Variants in WDFY4 observed in about 807,000 individuals in gnomAD.
WDFY4 encodes the protein WD repeat- and FYVE domain-containing protein 4.
In WDFY4, 169 loss-of-function variants were observed where a neutral mutation model predicts 351.9. The ratio of observed to expected loss-of-function variants is 0.48; its 90% confidence interval spans 0.42 to 0.55. The LOEUF is 0.55. Ranked by LOEUF, WDFY4 falls within the 20% of genes least tolerant of loss-of-function variation. The pLI is 0.00. For synonymous variants in WDFY4, 1,622 were observed against 1,574.6 expected, an observed-to-expected ratio of 1.03 and a Z score of -0.71; for missense variants, 3,803 against 3,935.6, an observed-to-expected ratio of 0.97 and a Z score of 0.90.
rs1390559754 is a variant in WDFY4, at chr10:48,897,468, T to C, written c.7331T>C (p.Phe2444Ser). Residue 2444 changes from phenylalanine (F) to serine (S), a missense_variant, in exon 45 of 62, where the codon TTC becomes TCC. Phe to Ser is a radical substitution (Grantham distance 155, BLOSUM62 -2). This residue lies in a region of WDFY4 where 3,054 missense variants were observed against 3,148.6 expected (regional missense o/e 0.97). Transcript: ENST00000325239. ...RHCLSNISDP[F>S]IFNLCSKDRS... Reference sequence around the variant, plus strand: ...TTCCTTTTCAGCATCAGCGATCCGTTCATTTTCAACCTGTGCAGCAAAGAC... The same window carrying C: ...TTCCTTTTCAGCATCAGCGATCCGTCCATTTTCAACCTGTGCAGCAAAGAC... The C allele has an allele frequency of 6.4e-7, 1 of 1,551,616 alleles. No homozygotes were observed.
intron 36 of WDFY4, among the ~76,000 whole-genome samples, chr10:48,828,331 C>A (rs577461155): frequency 1.3e-5 from 2 of 152,178 alleles, no homozygotes; most frequent in East Asian, 3.9e-4. Context: ...ACAGCAGAGC[C>A]CCAAAAAAGG....
rs189762475 is a variant in WDFY4, at chr10:48,948,550, A to G, written c.7977+1581A>G. 3.9e-3 allele frequency among the ~76,000 whole-genome samples: 600 copies of G among 152,360 alleles called. 2 individuals carry two copies. Among genetic ancestry groups the G allele is most frequent in the African/African-American group, 0.014 (573 of 41,592 alleles). ...TACCTGTTGCTAAGGATCTTTTCAC[A>G]TCGGGAGGAGACAGAGTGAAATAGA... On this transcript the variant is annotated intron_variant, in intron 51 of 61. Coordinates refer to ENST00000325239, the MANE Select transcript of WDFY4 (RefSeq NM_001394531.1).
At chr10:48,813,723 C>A (rs762478095) in intron 30 of WDFY4, among the ~76,000 whole-genome samples, 4 of 152,226 alleles carry the variant, frequency 2.6e-5, no homozygotes, top group Non-Finnish European at 5.9e-5. Context: ...ACCAAAATAA[C>A]TGAACTACAT....
At chr10:48,889,328 G>T (rs1343349130) in intron 43 of WDFY4, among the ~76,000 whole-genome samples, 1 of 152,122 alleles carries the variant, frequency 6.6e-6, no homozygotes, top group Non-Finnish European at 1.5e-5. Flanking sequence ...CTTGGCTCTG[G>T]CTTTCACGGA....
intron 43 of WDFY4, among the ~76,000 whole-genome samples, chr10:48,881,321 A>T (rs1159746921): frequency 6.6e-6 from 1 of 152,212 alleles, no homozygotes; most frequent in Non-Finnish European, 1.5e-5. Flanking sequence ...GGCTCCTGTG[A>T]GGCAAGGAAC....
At chr10:48,859,498 C>T (rs1395603634) in intron 39 of WDFY4, among the ~76,000 whole-genome samples, 1 of 152,080 alleles carries the variant, frequency 6.6e-6, no homozygotes, top group Non-Finnish European at 1.5e-5. Context: ...CTTTAACCTG[C>T]TAAAATGGTG....
chr10:48,899,475 C>G (rs1272046562), intron 45 of WDFY4, among the ~76,000 whole-genome samples: 1 of 152,076 alleles, frequency 6.6e-6, no homozygotes, highest in Non-Finnish European at 1.5e-5. Flanking sequence ...GAGTCTGAAT[C>G]TTACCCCACC....
intron 45 of WDFY4, among the ~76,000 whole-genome samples, chr10:48,899,921 G>A (rs1837271118): frequency 1.3e-5 from 2 of 152,164 alleles, no homozygotes; most frequent in Admixed American, 1.3e-4. Context: ...GAAAAAGTCT[G>A]AGGATGGCAT....
intron 43 of WDFY4, among the ~76,000 whole-genome samples, chr10:48,886,157 T>C (rs1218644463): frequency 2.6e-5 from 4 of 152,234 alleles, no homozygotes; most frequent in Non-Finnish European, 5.9e-5. Flanking sequence ...GTCACCTCTC[T>C]GGACCTCAGT....
At chr10:48,848,133 C>T (rs1026404419) in intron 39 of WDFY4, among the ~76,000 whole-genome samples, 3 of 152,160 alleles carry the variant, frequency 2.0e-5, no homozygotes, top group Admixed American at 6.5e-5. Flanking sequence ...CCCTGAGCCC[C>T]GACCATAGCT....
chr10:48,802,971 G>A (rs905342032), intron 24 of WDFY4, among the ~76,000 whole-genome samples: 1 of 152,210 alleles, frequency 6.6e-6, no homozygotes, highest in Non-Finnish European at 1.5e-5. Context: ...AGATGAGTTT[G>A]CAATATGGAC....
At position 48,721,360 on chromosome 10, in the gene WDFY4, C is replaced by G; in HGVS notation, c.449C>G (p.Thr150Arg). The G allele has an allele frequency of 1.3e-6, 2 of 1,551,634 alleles. No homozygotes were observed. The highest frequency in any genetic ancestry group is 1.7e-6 in the Non-Finnish European group (2 of 1,146,954). The change falls in exon 4 of 62, where the codon ACA (threonine) becomes AGA (arginine). Residue 150 changes from threonine to arginine, a missense_variant. This residue lies in a region of WDFY4 where 488 missense variants were observed against 456.8 expected (regional missense o/e 1.07). Transcript: ENST00000325239. ...AAGTCAGTGTACGTGCTCACGGGGA[C>G]AGACTCGGTAAGTTTCAGACCATCA... ...LLKSVYVLTGTDSETLGRVAE... is the reference protein window; with the variant it reads ...LLKSVYVLTGRDSETLGRVAE...
chr10:48,924,024 C>T (rs1194672800), intron 47 of WDFY4, among the ~76,000 whole-genome samples: 3 of 152,238 alleles, frequency 2.0e-5, no homozygotes, highest in Non-Finnish European at 2.9e-5. Flanking sequence ...GAGCTGGCTA[C>T]AGAGAACTCC....
intron 19 of WDFY4, among the ~76,000 whole-genome samples, chr10:48,784,743 T>C (rs1383334685): frequency 6.6e-6 from 1 of 151,170 alleles, no homozygotes; most frequent in East Asian, 1.9e-4. Flanking sequence ...GTTTTCACTA[T>C]GTTGGCCAGG....
chr10:48,913,589 T>C lies in WDFY4; in HGVS notation c.7586+11726T>C, dbSNP rs201890800. ...AGTTCTCCAGCCTCCTGATGGAGTCTATGAATATTTCCGACTCACCTGGCT... is the reference window on the plus strand; with the variant it reads ...AGTTCTCCAGCCTCCTGATGGAGTCCATGAATATTTCCGACTCACCTGGCT... On this transcript the variant is annotated intron_variant, in intron 47 of 61. Coordinates refer to ENST00000325239, the MANE Select transcript of WDFY4 (RefSeq NM_001394531.1). The C allele has an allele frequency of 2.2e-5, 35 of 1,614,188 alleles. No individual in the cohort carries two copies. In the East Asian group the frequency reaches 7.8e-4, roughly 36 times the overall value.
In WDFY4 at chr10:48,787,864, CTTCTTTCTTCTTTCTTT is replaced by C. The variant is rs1565197920; in HGVS notation, c.3809-665_3809-649del. ...CTTCTTCTTCTTCTTCTTCTTTCTT[CTTCTTTCTTCTTTCTTT>C]CTTCTTCTTCTCCTTCTTCTTCTTC... On this transcript the variant is annotated intron_variant, in intron 20 of 61. Coordinates refer to ENST00000325239, the MANE Select transcript of WDFY4 (RefSeq NM_001394531.1). Among the ~76,000 whole-genome samples the C allele has an allele frequency of 2.0e-4, 25 of 126,508 alleles. 1 individual carries two copies. Among genetic ancestry groups the C allele is most frequent in the African/African-American group, 8.6e-4 (23 of 26,840 alleles). 83.0% of individuals were successfully genotyped at this position (126,508 alleles called of 152,430 possible).
chr10:48,981,106 T>C (rs1842785731), intron 60 of WDFY4, among the ~76,000 whole-genome samples: 1 of 152,154 alleles, frequency 6.6e-6, no homozygotes. Flanking sequence ...TAGAAAGCAA[T>C]AATACACAAA....
chr10:48,803,887 TC>T (rs1306852105), intron 25 of WDFY4, among the ~76,000 whole-genome samples: 1 of 152,238 alleles, frequency 6.6e-6, no homozygotes, highest in African/African-American at 2.4e-5. Flanking sequence ...CTGTCACCAC[TC>T]TTGCCTCTGC....
chr10:48,910,275 A>G (rs1837879859), intron 47 of WDFY4: 1 of 1,612,820 alleles, frequency 6.2e-7, no homozygotes, highest in South Asian at 1.1e-5. Context: ...ATGGAGACAC[A>G]AGAAGGTGAG....
Sources: gnomAD v4.1 joint callset for allele counts (sites outside exome capture counted in the v4.1 genomes callset) on GRCh38, gnomAD v4.1.1 for gene constraint, gnomAD v4.1.1 regional missense constraint, MANE v1.5 for transcripts, NCBI Gene and HGNC (gene_info 2026-07-23, HGNC 2026-07-21) for gene names.